Variants in TBL1XR1 observed in about 807,000 individuals in gnomAD.
TBL1XR1 encodes F-box-like/WD repeat-containing protein TBL1XR1.
In TBL1XR1, 5 loss-of-function variants were observed where a neutral mutation model predicts 66.9. The ratio of observed to expected loss-of-function variants is 0.07; its 90% CI spans 0.04 to 0.16. The LOEUF (loss-of-function observed/expected upper bound fraction) is 0.16. TBL1XR1 is among the 10% of genes least tolerant of loss of function. The pLI, the probability that TBL1XR1 is intolerant of heterozygous loss-of-function variation, is 1.00. For missense variants in TBL1XR1, 238 were observed against 623.2 expected (o/e 0.38, Z 6.58); for synonymous variants, 210 against 206.0 (o/e 1.02, Z -0.17).
At chr3:177,140,029 G>A (rs1729457689) in intron 1 of TBL1XR1, among the ~76,000 whole-genome samples, 1 of 152,166 alleles carries the variant, frequency 6.6e-6, no homozygotes, top group Non-Finnish European at 1.5e-5. Context: ...ACAGCCAGGT[G>A]CGGTGGCTCA....
intron 7 of TBL1XR1, among the ~76,000 whole-genome samples, chr3:177,049,222 G>A (rs949947243): frequency 6.6e-6 from 1 of 152,170 alleles, no homozygotes; most frequent in African/African-American, 2.4e-5. Flanking sequence ...AGTCCACAAA[G>A]GGTTGTTAAA....
chr3:177,130,127 A>G (rs543779221), intron 1 of TBL1XR1, among the ~76,000 whole-genome samples: 34 of 141,898 alleles, frequency 2.4e-4, no homozygotes, highest in African/African-American at 8.5e-4. Flanking sequence ...CCTGGGCGAC[A>G]GACTGAGACT....
At chr3:177,134,036 C>A (rs1331132049) in intron 1 of TBL1XR1, among the ~76,000 whole-genome samples, 2 of 151,990 alleles carry the variant, frequency 1.3e-5, no homozygotes, top group Non-Finnish European at 2.9e-5. Flanking sequence ...GGGCAAAGGA[C>A]TGGAACATAA....
chr3:177,040,226 G>A (rs773497684), intron 10 of TBL1XR1, among the ~76,000 whole-genome samples: 29 of 152,254 alleles, frequency 1.9e-4, no homozygotes, highest in Non-Finnish European at 2.8e-4. Flanking sequence ...GAGGCAGGAG[G>A]ACTGCTTGAG....
At chr3:177,138,889 C>T (rs760999544) in intron 1 of TBL1XR1, among the ~76,000 whole-genome samples, 1 of 152,192 alleles carries the variant, frequency 6.6e-6, no homozygotes, top group Non-Finnish European at 1.5e-5. Flanking sequence ...CTCACCCATA[C>T]TCCCTAGAAG....
At chr3:177,051,439 T>C (rs535788882) in intron 5 of TBL1XR1, 65 bp downstream of exon 5, 3 of 1,443,232 alleles carry the variant, frequency 2.1e-6, no homozygotes, top group Admixed American at 2.3e-5. Flanking sequence ...GTACCCCGAA[T>C]TAAAAGTTTA....
intron 1 of TBL1XR1, among the ~76,000 whole-genome samples, chr3:177,116,988 G>A (rs1726385198): frequency 6.6e-6 from 1 of 152,132 alleles, no homozygotes; most frequent in South Asian, 2.1e-4. Flanking sequence ...GGAACATTAT[G>A]CAGTTTATCT....
intron 2 of TBL1XR1, among the ~76,000 whole-genome samples, chr3:177,070,605 T>C (rs1170214316): frequency 6.6e-6 from 1 of 152,090 alleles, no homozygotes; most frequent in East Asian, 1.9e-4. Context: ...TCCTAGCACT[T>C]TGGGGGGCCG....
intron 1 of TBL1XR1, among the ~76,000 whole-genome samples, chr3:177,157,738 A>T (rs1731685940): frequency 1.3e-5 from 2 of 152,104 alleles, no homozygotes; most frequent in Non-Finnish European, 2.9e-5. Context: ...AGCAAAACTA[A>T]CCTGCAGTGT....
chr3:177,137,009 A>G (rs1056238132), intron 1 of TBL1XR1, among the ~76,000 whole-genome samples: 1 of 152,246 alleles, frequency 6.6e-6, no homozygotes, highest in African/African-American at 2.4e-5. Flanking sequence ...ATACAGAAAA[A>G]GCACTCAGCA....
At chr3:177,058,671 A>G (rs1032578614) in intron 3 of TBL1XR1, among the ~76,000 whole-genome samples, 1 of 152,212 alleles carries the variant, frequency 6.6e-6, no homozygotes, top group African/African-American at 2.4e-5. Flanking sequence ...TAAGCATTTT[A>G]AAGAAGGTTT....
intron 1 of TBL1XR1, among the ~76,000 whole-genome samples, chr3:177,132,614 A>G (rs1030885481): frequency 2.0e-5 from 3 of 152,230 alleles, no homozygotes; most frequent in African/African-American, 4.8e-5. Flanking sequence ...ACGATAGTGG[A>G]AAGTCATAGA....
intron 1 of TBL1XR1, among the ~76,000 whole-genome samples, chr3:177,176,295 C>A (rs915374163): frequency 2.6e-5 from 4 of 151,176 alleles, no homozygotes; most frequent in African/African-American, 9.7e-5. Flanking sequence ...CCCCTGGGCT[C>A]AAGCGATTCT....
intron 2 of TBL1XR1, among the ~76,000 whole-genome samples, chr3:177,070,980 C>T (rs1200934606): frequency 2.7e-5 from 4 of 150,592 alleles, no homozygotes; most frequent in Admixed American, 2.0e-4. Flanking sequence ...ACTTTATCAA[C>T]TAAAACTAAC....
intron 2 of TBL1XR1, among the ~76,000 whole-genome samples, chr3:177,083,358 A>C (rs1721683892): frequency 6.6e-6 from 1 of 152,186 alleles, no homozygotes; most frequent in Non-Finnish European, 1.5e-5. Context: ...TTTTGAAACG[A>C]TCAAGTTAGT....
At chr3:177,176,853 G>A (rs896988689) in intron 1 of TBL1XR1, among the ~76,000 whole-genome samples, 3 of 152,070 alleles carry the variant, frequency 2.0e-5, no homozygotes, top group South Asian at 2.1e-4. Flanking sequence ...GGTGGGGCAC[G>A]TCTGTAGTCC....
At chr3:177,053,629 G>A in intron 4 of TBL1XR1, 144 bp downstream of exon 4, 1 of 747,644 alleles carries the variant, frequency 1.3e-6, no homozygotes, top group South Asian at 1.8e-5. Context: ...GGTGCAACCT[G>A]ACTACCACAT....
intron 1 of TBL1XR1, among the ~76,000 whole-genome samples, chr3:177,133,279 C>T (rs533905688): frequency 1.3e-5 from 2 of 152,090 alleles, no homozygotes; most frequent in African/African-American, 4.8e-5. Flanking sequence ...AAGAGCAAAA[C>T]TCTGTCTCAA....
At chr3:177,121,379 T>C (rs1726952552) in intron 1 of TBL1XR1, among the ~76,000 whole-genome samples, 1 of 152,160 alleles carries the variant, frequency 6.6e-6, no homozygotes, top group Non-Finnish European at 1.5e-5. Context: ...AATAAAAATT[T>C]AAAAATAAAG....
Sources: allele counts gnomAD v4.1 joint callset (sites outside exome capture counted in the v4.1 genomes callset), GRCh38; gene constraint gnomAD v4.1.1; transcripts MANE v1.5; gene names NCBI Gene and HGNC (gene_info 2026-07-23, HGNC 2026-07-21).